TOMM7: variants seen among roughly 807,000 people sequenced by gnomAD.
TOMM7 encodes translocase of outer mitochondrial membrane 7, also known as mitochondrial import receptor subunit TOM7 homolog.
TOMM7 carries 8 observed loss-of-function variants against 9.5 expected under a neutral mutation model. The ratio of observed to expected loss-of-function variants is 0.84; its 90% CI spans 0.49 to 1.51. The LOEUF (loss-of-function observed/expected upper bound fraction) is 1.51. Among genes scored for constraint, TOMM7 ranks in the 40% most tolerant of loss-of-function variants. The pLI is 0.00. For missense variants in TOMM7, 74 were observed against 63.7 expected, an observed-to-expected ratio of 1.16 and a Z score of -0.55; for synonymous variants, 27 against 21.4, an observed-to-expected ratio of 1.26 and a Z score of -0.72.
chr7:22,813,638 A>C (rs2128181804), intron 2 of TOMM7, among the ~76,000 whole-genome samples: 1 of 152,038 alleles, frequency 6.6e-6, no homozygotes, highest in African/African-American at 2.4e-5. Context: ...TGAGGCTCTG[A>C]GATAGTTATA....
At chr7:22,822,120 T>C (rs35353454) in intron 1 of TOMM7, 414,382 of 1,547,558 alleles carry the variant, frequency 0.27, 58,054 homozygotes, top group Non-Finnish European at 0.29. Context: ...TGTGCGACCT[T>C]GGCAAAAAAG....
chr7:22,817,665 C>T (rs182884655), intron 2 of TOMM7: 6 of 198,598 alleles, frequency 3.0e-5, no homozygotes, highest in Non-Finnish European at 5.2e-5. Flanking sequence ...AAAACAAAAT[C>T]CTGCATACCC....
At chr7:22,822,204 G>T (rs1467321812) in intron 1 of TOMM7, 1 of 1,550,886 alleles carries the variant, frequency 6.4e-7, no homozygotes, top group Admixed American at 2.0e-5. Context: ...CATCGTACAG[G>T]TAAGAAAGCA....
At chr7:22,822,113 G>A (rs770246898) in intron 1 of TOMM7, 12 of 1,546,954 alleles carry the variant, frequency 7.8e-6, no homozygotes, top group African/African-American at 1.4e-5. Flanking sequence ...GCATAGCTGT[G>A]CGACCTTGGC....
At chr7:22,814,282 G>A (rs184641625) in intron 2 of TOMM7, among the ~76,000 whole-genome samples, 4 of 151,192 alleles carry the variant, frequency 2.6e-5, no homozygotes, top group African/African-American at 4.9e-5. Context: ...CCTGGGAGGC[G>A]GAGGTTGCAG....
rs979483081 is a variant in TOMM7 at position 22,813,203 on chromosome 7, A to G, written c.153-18T>C. 1.2e-6 allele frequency: 2 copies of G among 1,607,258 alleles called. No individual in the cohort carries two copies. The highest frequency in any genetic ancestry group is 1.7e-6 in the Non-Finnish European group (2 of 1,177,494). On this transcript the variant is annotated intron_variant, in intron 2 of 2. Transcript: ENST00000358435. ...AAAGTAGGCTAAAATGTTTGTGAAG[A>G]GAAGAAAGAAATTAAATTCCGAAAT...
intron 1 of TOMM7, among the ~76,000 whole-genome samples, chr7:22,819,787 G>C (rs1372590964): frequency 6.6e-6 from 1 of 152,178 alleles, no homozygotes; most frequent in Non-Finnish European, 1.5e-5. Flanking sequence ...ATGGAACAAA[G>C]GGTCATCAGA....
intron 2 of TOMM7, chr7:22,817,455 C>T: frequency 5.2e-6 from 1 of 193,732 alleles, no homozygotes; most frequent in Non-Finnish European, 1.1e-5. Flanking sequence ...GTTGCCCAGG[C>T]TGGTCTTGAA....
At chr7:22,817,486 T>G (rs751417181) in intron 2 of TOMM7, 1 of 238,266 alleles carries the variant, frequency 4.2e-6, no homozygotes, top group South Asian at 4.7e-5. Context: ...CAAGCAATCC[T>G]CCCATGATCT....
rs1216508762 is a variant in TOMM7 at position 22,822,687 on chromosome 7, C to G, written c.93G>C (p.Val31=). Residue 31 remains valine (V), a synonymous_variant, in exon 1 of 3, where the codon GTG becomes GTC. Transcript: ENST00000358435. The part of the protein sequence containing the change: ...FAIRWGFIPL[V]IYLGFKRGAD... The stretch of plus-strand genomic sequence containing the variant: ...TCTTCTCCCACTGACCCAGGTAAAT[C>G]ACAAGAGGGATAAAGCCCCAGCGAA... 1 of 1,613,782 alleles carries G rather than the reference C, an allele frequency of 6.2e-7. No homozygotes were observed. The highest frequency in any genetic ancestry group is 1.3e-5 in the African/African-American group (1 of 75,050).
Position 22,822,663 on chromosome 7 carries a change from C to T in TOMM7, c.103+14G>A, listed in dbSNP as rs1782410299. ...CTTCCCTCCAGTCACTTTCCCGGTT[C>T]TTCTCCCACTGACCCAGGTAAATCA... On this transcript the variant is annotated intron_variant, in intron 1 of 2. Transcript: ENST00000358435. The T allele has an allele frequency of 1.9e-6, 3 of 1,608,878 alleles. No homozygotes were observed. The highest frequency in any genetic ancestry group is 2.6e-6 in the Non-Finnish European group (3 of 1,175,244).
At position 22,813,132 on chromosome 7, in the gene TOMM7, C is replaced by A; in HGVS notation, c.*38G>T. 6.2e-7 allele frequency: 1 copy of A among 1,612,134 alleles called. No individual in the cohort carries two copies. On this transcript the variant is annotated 3_prime_UTR_variant, in exon 3 of 3. Transcript: ENST00000358435. ...CAGAGCACACATCTTCCATGCTGTC[C>A]GCTGATTGCCTCCAAATCCAGAAGA...
At position 22,813,042 on chromosome 7, in the gene TOMM7, G is replaced by A. The variant is rs1326175476; in HGVS notation, c.*128C>T. The A allele has an allele frequency of 1.3e-5, 11 of 870,112 alleles. No individual in the cohort carries two copies. The highest frequency in any genetic ancestry group is 2.1e-5 in the Non-Finnish European group (11 of 515,070). 53.9% of individuals were successfully genotyped at this position (870,112 alleles called of 1,614,324 possible). ...GTACAAGTTCCACTCTGCTACAGAT[G>A]CGTCTGTGAAGAGCCTTGTGCCATC... On this transcript the variant is annotated 3_prime_UTR_variant, in exon 3 of 3. Coordinates refer to ENST00000358435, the MANE Select transcript of TOMM7 (RefSeq NM_019059.5).
intron 2 of TOMM7, among the ~76,000 whole-genome samples, chr7:22,816,282 G>A (rs1049383032): frequency 2.0e-5 from 3 of 152,218 alleles, no homozygotes; most frequent in African/African-American, 4.8e-5. Context: ...GCTTCTTGGA[G>A]GAAGGTATTT....
At chr7:22,817,841 G>A (rs1455807436) in intron 2 of TOMM7, 159 bp downstream of exon 2, 3 of 603,300 alleles carry the variant, frequency 5.0e-6, no homozygotes, top group South Asian at 2.2e-5. Context: ...CAAATTAGGA[G>A]GGGGAAGAGA....
intron 1 of TOMM7, chr7:22,822,279 C>A: frequency 6.5e-7 from 1 of 1,548,992 alleles, no homozygotes; most frequent in Non-Finnish European, 8.7e-7. Context: ...CGAGGTGTCT[C>A]GATTCCCTGA....
intron 1 of TOMM7, among the ~76,000 whole-genome samples, chr7:22,821,983 G>C (rs768691762): frequency 5.9e-5 from 9 of 152,106 alleles, no homozygotes; most frequent in Non-Finnish European, 8.8e-5. Flanking sequence ...CTGGGTGACA[G>C]AGCGAGACTC....
chr7:22,822,208 G>A (rs111488762), intron 1 of TOMM7: 24 of 1,550,854 alleles, frequency 1.5e-5, no homozygotes, highest in African/African-American at 4.1e-5. Context: ...GTACAGGTAA[G>A]AAAGCAGAGG....
intron 2 of TOMM7, among the ~76,000 whole-genome samples, chr7:22,816,971 T>C (rs1392861762): frequency 6.6e-6 from 1 of 152,180 alleles, no homozygotes; most frequent in African/African-American, 2.4e-5. Flanking sequence ...CTGCCCACTC[T>C]AGAAAAACAT....
Sources: allele counts gnomAD v4.1 joint callset (sites outside exome capture counted in the v4.1 genomes callset), GRCh38; gene constraint gnomAD v4.1.1; transcripts MANE v1.5; gene names NCBI Gene and HGNC (gene_info 2026-07-23, HGNC 2026-07-21).